ANKFN1: variants seen among roughly 807,000 people sequenced by gnomAD.
ANKFN1 encodes ankyrin repeat and fibronectin type III domain containing 1.
A neutral mutation model predicts 108.7 loss-of-function variants in ANKFN1; 74 were observed. The ratio of observed to expected loss-of-function variants is 0.68; its 90% CI spans 0.56 to 0.83. The LOEUF is 0.83. ANKFN1 is among the 40% of genes least tolerant of loss of function. ANKFN1 has a pLI of 0.00. For synonymous variants in ANKFN1, 547 were observed against 516.2 expected (o/e 1.06, Z -0.81); for missense variants, 1,505 against 1,382.3 (o/e 1.09, Z -1.41).
chr17:56,296,504 T>G (rs2044513918), intron 3 of ANKFN1, among the ~76,000 whole-genome samples: 1 of 152,088 alleles, frequency 6.6e-6, no homozygotes, highest in Non-Finnish European at 1.5e-5. Flanking sequence ...GCCAACATGG[T>G]GAAACCCCAT....
chr17:56,381,488 G>A (rs561194153), intron 8 of ANKFN1, among the ~76,000 whole-genome samples: 8 of 152,170 alleles, frequency 5.3e-5, no homozygotes, highest in Non-Finnish European at 2.9e-5. Flanking sequence ...AAACTACTCC[G>A]AGCTACAGGA....
At chr17:56,470,403 A>T (rs552961473) in intron 15 of ANKFN1, among the ~76,000 whole-genome samples, 1 of 152,312 alleles carries the variant, frequency 6.6e-6, no homozygotes, top group East Asian at 1.9e-4. Flanking sequence ...CATTTCCACC[A>T]ACACTGTAAA....
At chr17:56,495,580 G>A (rs1388732278) in intron 19 of ANKFN1, among the ~76,000 whole-genome samples, 1 of 152,160 alleles carries the variant, frequency 6.6e-6, no homozygotes, top group Non-Finnish European at 1.5e-5. Context: ...GCCAGAAAGG[G>A]GGAGGCCTGG....
intron 20 of ANKFN1, among the ~76,000 whole-genome samples, chr17:56,500,354 A>G (rs978839461): frequency 6.6e-6 from 1 of 152,072 alleles, no homozygotes; most frequent in African/African-American, 2.4e-5. Context: ...AACTTAGGAG[A>G]CAGCTAATTT....
chr17:56,387,407 C>T (rs1296695766), intron 8 of ANKFN1, among the ~76,000 whole-genome samples: 2 of 152,204 alleles, frequency 1.3e-5, no homozygotes, highest in South Asian at 2.1e-4. Flanking sequence ...CATGTTAATC[C>T]AAGAGTTTTT....
At chr17:56,095,045 G>T (rs1438036131) in intron 4 of ANKFN1, among the ~76,000 whole-genome samples, 1 of 150,860 alleles carries the variant, frequency 6.6e-6, no homozygotes, top group African/African-American at 2.4e-5. Flanking sequence ...TTATACAATG[G>T]CTCACTCTAG....
chr17:56,438,819 T>C (rs922911909), intron 8 of ANKFN1, among the ~76,000 whole-genome samples: 2 of 151,930 alleles, frequency 1.3e-5, no homozygotes, highest in Non-Finnish European at 2.9e-5. Context: ...GTTAGAGCCA[T>C]AAAAAGTGGA....
At chr17:56,353,165 A>C (rs1157149551) in intron 5 of ANKFN1, among the ~76,000 whole-genome samples, 1 of 152,158 alleles carries the variant, frequency 6.6e-6, no homozygotes, top group Non-Finnish European at 1.5e-5. Flanking sequence ...GTAATGGGGT[A>C]CACTTGGTTT....
At chr17:56,285,681 G>C (rs916426091) in intron 3 of ANKFN1, among the ~76,000 whole-genome samples, 3 of 152,102 alleles carry the variant, frequency 2.0e-5, no homozygotes, top group African/African-American at 7.2e-5. Context: ...TGCAAACACA[G>C]ACTTCCCTGC....
At chr17:56,201,309 T>C (rs1042105249) in intron 1 of ANKFN1, among the ~76,000 whole-genome samples, 1 of 152,176 alleles carries the variant, frequency 6.6e-6, no homozygotes, top group African/African-American at 2.4e-5. Flanking sequence ...CCCTCCTCTC[T>C]TTTCCAAGTT....
intron 3 of ANKFN1, among the ~76,000 whole-genome samples, chr17:56,231,173 C>T (rs1389514510): frequency 4.6e-5 from 7 of 152,006 alleles, no homozygotes; most frequent in Non-Finnish European, 1.0e-4. Flanking sequence ...TTCCTGTATT[C>T]AACAAGCCTA....
chr17:56,229,651 T>G (rs1264994047), intron 3 of ANKFN1, among the ~76,000 whole-genome samples: 1 of 129,830 alleles, frequency 7.7e-6, no homozygotes, highest in East Asian at 2.3e-4. Context: ...ACCCGTTACC[T>G]TTCAGATTGC....
rs1381177701 is a variant in ANKFN1 at position 56,513,088 on chromosome 17, G to A, written c.*1819G>A. ...GGTAGGGCAATTAAGACCCAGAGAG[G>A]TTAAGTAACATGCTCAAGGTCACGG... is the stretch of plus-strand genomic sequence containing the variant. On this transcript the variant is annotated 3_prime_UTR_variant, in exon 21 of 21. Coordinates refer to ENST00000682825, the MANE Select transcript of ANKFN1 (RefSeq NM_001370326.1). Among the ~76,000 whole-genome samples, 1 of 152,214 alleles carries A rather than the reference G, an allele frequency of 6.6e-6. No homozygotes were observed. Among genetic ancestry groups the A allele is most frequent in the African/African-American group, 2.4e-5 (1 of 41,458 alleles).
At chr17:56,361,986 C>A (rs2046534896) in intron 6 of ANKFN1, among the ~76,000 whole-genome samples, 1 of 152,158 alleles carries the variant, frequency 6.6e-6, no homozygotes, top group Non-Finnish European at 1.5e-5. Flanking sequence ...TTCTGCTGAT[C>A]TCACAGAACA....
chr17:56,467,783 G>GAAAGAAAGAGAA (rs2050145295), intron 15 of ANKFN1, among the ~76,000 whole-genome samples: 5 of 22,922 alleles, frequency 2.2e-4, no homozygotes, highest in African/African-American at 3.3e-4. Context: ...AAGAAAGAAA[G>GAAAGAAAGAGAA]AAAGAAAGAA....
rs181805720 is a variant in ANKFN1 at position 56,349,028 on chromosome 17, C to A, written c.189-1738C>A. On this transcript the variant is annotated intron_variant, in intron 4 of 20. Coordinates refer to ENST00000682825, the MANE Select transcript of ANKFN1 (RefSeq NM_001370326.1). The stretch of plus-strand genomic sequence containing the variant: ...TAAAGAACATATGGTATATATACAC[C>A]ATGGAATACTATGTAGCCATAAAAA... Among the ~76,000 whole-genome samples, 990 of 152,156 alleles carry A rather than the reference C, an allele frequency of 6.5e-3. 6 individuals carry two copies. The highest frequency in any genetic ancestry group is 0.012 in the Non-Finnish European group (835 of 68,018).
At chr17:56,422,179 G>A (rs960062407) in intron 8 of ANKFN1, among the ~76,000 whole-genome samples, 4 of 152,146 alleles carry the variant, frequency 2.6e-5, no homozygotes, top group Non-Finnish European at 5.9e-5. Flanking sequence ...TTTTAAAAGT[G>A]AGTTTCTTTG....
At chr17:56,299,372 C>A (rs1352006293) in intron 3 of ANKFN1, among the ~76,000 whole-genome samples, 1 of 152,158 alleles carries the variant, frequency 6.6e-6, no homozygotes, top group Non-Finnish European at 1.5e-5. Context: ...AGGACTCTGA[C>A]CCCTCTCCTG....
At chr17:56,181,154 T>A (rs1477478625) in intron 1 of ANKFN1, among the ~76,000 whole-genome samples, 1 of 152,216 alleles carries the variant, frequency 6.6e-6, no homozygotes, top group Non-Finnish European at 1.5e-5. Flanking sequence ...TTCTGTATAA[T>A]GTCAATATAT....
Sources: gnomAD v4.1 joint callset for allele counts (sites outside exome capture counted in the v4.1 genomes callset) on GRCh38, gnomAD v4.1.1 for gene constraint, MANE v1.5 for transcripts, NCBI Gene and HGNC (gene_info 2026-07-23, HGNC 2026-07-21) for gene names.